SMAD6: variants seen among roughly 807,000 people sequenced by gnomAD.
SMAD6 encodes the protein SMAD family member 6.
A neutral mutation model predicts 39.4 loss-of-function variants in SMAD6; 103 were observed. The ratio of observed to expected loss-of-function variants is 2.62; its 90% confidence interval spans 2.23 to 3.08. The LOEUF is 3.08. Ranked by LOEUF, SMAD6 falls within the 30% of genes most tolerant of loss-of-function variation. The probability of loss-of-function intolerance (pLI) is 0.00; values close to 1 mark genes in which losing one functional copy is unlikely to be tolerated. For missense variants in SMAD6, 1,104 were observed against 742.9 expected (o/e 1.49, Z -5.65); for synonymous variants, 445 against 353.3 (o/e 1.26, Z -2.91).
chr15:66,739,906 C>T (rs1893783802), intron 3 of SMAD6, among the ~76,000 whole-genome samples: 1 of 152,216 alleles, frequency 6.6e-6, no homozygotes, highest in African/African-American at 2.4e-5. Flanking sequence ...TTCCGAGTAG[C>T]TGGGACCACA....
chr15:66,764,533 G>A (rs1894257584), intron 3 of SMAD6, among the ~76,000 whole-genome samples: 1 of 152,080 alleles, frequency 6.6e-6, no homozygotes, highest in African/African-American at 2.4e-5. Flanking sequence ...ATCAAAAGCA[G>A]ATATAACATG....
At position 66,704,054 on chromosome 15, in the gene SMAD6, T is replaced by G; in HGVS notation, c.796T>G (p.Phe266Val). The part of the protein sequence containing the change: ...GPTVCCNPYH[F>V]SRLCGPESPP... ...TACCGTGTGCTGCAACCCCTACCACTTCAGCCGGCTCTGCGGGCCCGGTGA... is the reference window on the plus strand; with the variant it reads ...TACCGTGTGCTGCAACCCCTACCACGTCAGCCGGCTCTGCGGGCCCGGTGA... The change falls in exon 1 of 4, where the codon TTC (phenylalanine) becomes GTC (valine). Residue 266 changes from phenylalanine to valine, a missense_variant. Coordinates refer to ENST00000288840, the MANE Select transcript of SMAD6 (RefSeq NM_005585.5). The G allele has an allele frequency of 6.7e-7, 1 of 1,503,366 alleles. No homozygotes were observed. Among genetic ancestry groups the G allele is most frequent in the Non-Finnish European group, 8.8e-7 (1 of 1,134,716 alleles). The allele number at this position is 1,503,366 out of a possible 1,614,324, so 93.1% of individuals were successfully genotyped here. A position where few individuals can be genotyped will look rare whatever the true frequency, so the allele number is the denominator to read the frequency against.
chr15:66,775,561 C>T (rs1894452635), intron 3 of SMAD6, among the ~76,000 whole-genome samples: 1 of 152,102 alleles, frequency 6.6e-6, no homozygotes, highest in African/African-American at 2.4e-5. Context: ...AGGCAGGACT[C>T]CTCCCAGGCT....
At chr15:66,780,340 C>T (rs1036642346) in intron 3 of SMAD6, among the ~76,000 whole-genome samples, 3 of 152,224 alleles carry the variant, frequency 2.0e-5, no homozygotes, top group African/African-American at 4.8e-5. Context: ...TGCTCCAGGC[C>T]GGAAGGGATC....
intron 3 of SMAD6, among the ~76,000 whole-genome samples, chr15:66,774,942 G>T (rs903401895): frequency 3.3e-5 from 5 of 151,840 alleles, no homozygotes; most frequent in African/African-American, 1.2e-4. Context: ...GCTCACTGCA[G>T]CGTCCGCCTC....
At position 66,702,237 on chromosome 15, in the gene SMAD6, T is replaced by C. The variant is rs1443824360; in HGVS notation, c.-1022T>C. 1.3e-5 allele frequency: 2 copies of C among 152,186 alleles called. No homozygotes were observed. Among genetic ancestry groups the C allele is most frequent in the Non-Finnish European group, 2.9e-5 (2 of 68,076 alleles). 9.4% of individuals were successfully genotyped at this position (152,186 alleles called of 1,614,324 possible). A position where few individuals can be genotyped will look rare whatever the true frequency, so the allele number is the denominator to read the frequency against. On this transcript the variant is annotated 5_prime_UTR_variant, in exon 1 of 4. Coordinates refer to ENST00000288840, the MANE Select transcript of SMAD6 (RefSeq NM_005585.5). ...AGCCGCCAAAGTGTCTAGACTGGCA[T>C]ATGATGGGAGGCAGCCAATGACTCC...
chr15:66,722,260 T>G (rs928972542), intron 3 of SMAD6, among the ~76,000 whole-genome samples: 2 of 152,198 alleles, frequency 1.3e-5, no homozygotes, highest in East Asian at 1.9e-4. Flanking sequence ...CACGTGAGAG[T>G]GCTCATTGCC....
chr15:66,739,488 G>A (rs1030614539), intron 3 of SMAD6, among the ~76,000 whole-genome samples: 20 of 152,234 alleles, frequency 1.3e-4, no homozygotes, highest in African/African-American at 4.6e-4. Flanking sequence ...GACTGCAGGT[G>A]TGCATTGTTA....
intron 3 of SMAD6, among the ~76,000 whole-genome samples, chr15:66,764,584 A>G (rs1424047690): frequency 2.0e-5 from 3 of 152,136 alleles, no homozygotes; most frequent in South Asian, 2.1e-4. Flanking sequence ...TTCCTAGACT[A>G]TATATCCTAA....
intron 3 of SMAD6, among the ~76,000 whole-genome samples, chr15:66,756,584 T>C (rs772079598): frequency 2.6e-5 from 4 of 152,226 alleles, no homozygotes; most frequent in Non-Finnish European, 5.9e-5. Flanking sequence ...CTTGAAAATA[T>C]TTGTTTTCCA....
At chr15:66,740,069 T>C (rs1462871287) in intron 3 of SMAD6, among the ~76,000 whole-genome samples, 1 of 152,244 alleles carries the variant, frequency 6.6e-6, no homozygotes, top group Non-Finnish European at 1.5e-5. Flanking sequence ...TCTATGGATC[T>C]ACTAGGGCTG....
At chr15:66,764,322 T>C (rs1894254215) in intron 3 of SMAD6, among the ~76,000 whole-genome samples, 1 of 152,142 alleles carries the variant, frequency 6.6e-6, no homozygotes, top group Non-Finnish European at 1.5e-5. Context: ...TCGACCCAGC[T>C]GCTTTCGGAA....
Position 66,781,367 on chromosome 15 carries a change from C to G in SMAD6, c.1323C>G (p.Phe441Leu). ...PPGYSIKVFD[F>L]ERSGLQHAPE... Reference sequence around the variant, plus strand: ...GCTACTCCATCAAGGTGTTCGACTTCGAGCGCTCGGGCCTGCAGCACGCGC... The same window carrying G: ...GCTACTCCATCAAGGTGTTCGACTTGGAGCGCTCGGGCCTGCAGCACGCGC... Residue 441 changes from phenylalanine (F) to leucine (L), a missense_variant, in exon 4 of 4, where the codon TTC (phenylalanine) becomes TTG (leucine). Phe to Leu is a conservative substitution (Grantham distance 22, BLOSUM62 0). Coordinates refer to ENST00000288840, the MANE Select transcript of SMAD6 (RefSeq NM_005585.5). 2 of 1,600,078 alleles carry G rather than the reference C, an allele frequency of 1.2e-6. No homozygotes were observed. The highest frequency in any genetic ancestry group is 1.7e-6 in the Non-Finnish European group (2 of 1,176,016).
In SMAD6 at chr15:66,731,165, G is replaced by A. The variant is rs376140063; in HGVS notation, c.952+14667G>A. Reference sequence around the variant, plus strand: ...TAAAAGTTCCTTGGTGAGGCCGGGCGCGGTGGCTCATGCCTGTTATCCCAG... The same window carrying A: ...TAAAAGTTCCTTGGTGAGGCCGGGCACGGTGGCTCATGCCTGTTATCCCAG... On this transcript the variant is annotated intron_variant, in intron 3 of 3. Coordinates refer to ENST00000288840, the MANE Select transcript of SMAD6 (RefSeq NM_005585.5). 2.1e-4 allele frequency among the ~76,000 whole-genome samples: 32 copies of A among 152,122 alleles called. No individual in the cohort carries two copies. The East Asian group carries it at 3.9e-3, about 18-fold the overall frequency.
intron 3 of SMAD6, among the ~76,000 whole-genome samples, chr15:66,743,490 T>G (rs371171337): frequency 1.3e-5 from 2 of 151,984 alleles, no homozygotes; most frequent in East Asian, 3.9e-4. Flanking sequence ...GAAAAGAGGC[T>G]CTCAGAGATA....
intron 3 of SMAD6, among the ~76,000 whole-genome samples, chr15:66,720,461 G>A (rs987269274): frequency 2.6e-5 from 4 of 152,098 alleles, no homozygotes; most frequent in Admixed American, 6.5e-5. Flanking sequence ...GTCACTTAGC[G>A]GGAGCCTGAA....
rs1215575045 is a variant in SMAD6, at chr15:66,747,323, G to A, written c.952+30825G>A. On this transcript the variant is annotated intron_variant, in intron 3 of 3. Coordinates refer to ENST00000288840, the MANE Select transcript of SMAD6 (RefSeq NM_005585.5). This position sits in a 1 kb window ranked among gnomAD's most constrained non-coding sequence, Gnocchi z 4.5. ...CCACCACACCTGCCCTTCCCCATGA[G>A]CGCCTTACCTGCCGGTGCTAAGGAG... Among the ~76,000 whole-genome samples, 1 of 152,270 alleles carries A rather than the reference G, an allele frequency of 6.6e-6. No homozygotes were observed. Among genetic ancestry groups the A allele is most frequent in the Admixed American group, 6.5e-5 (1 of 15,288 alleles).
In SMAD6 at chr15:66,723,841, A is replaced by C. The variant is rs142450079; in HGVS notation, c.952+7343A>C. 5.9e-5 allele frequency among the ~76,000 whole-genome samples: 9 copies of C among 152,360 alleles called. No homozygotes were observed. In the East Asian group the frequency reaches 1.5e-3, roughly 26 times the overall value. On this transcript the variant is annotated intron_variant, in intron 3 of 3. Transcript: ENST00000288840. ...GAGGAGAGGCAGACAGCAAACAGACAGTGGTGACTGATCATGCTGAGTGCT... is the reference window on the plus strand; with the variant it reads ...GAGGAGAGGCAGACAGCAAACAGACCGTGGTGACTGATCATGCTGAGTGCT...
chr15:66,771,506 G>C (rs982564670), intron 3 of SMAD6, among the ~76,000 whole-genome samples: 1 of 152,160 alleles, frequency 6.6e-6, no homozygotes, highest in African/African-American at 2.4e-5. Flanking sequence ...GAAAACCCTT[G>C]GCCTCCAGAG....
Sources: gnomAD v4.1 joint callset for allele counts (sites outside exome capture counted in the v4.1 genomes callset) on GRCh38, gnomAD v4.1.1 for gene constraint, Gnocchi (gnomAD v3.1) non-coding constraint, MANE v1.5 for transcripts, NCBI Gene and HGNC (gene_info 2026-07-23, HGNC 2026-07-21) for gene names.